Variants in MTA1 observed in about 807,000 individuals in gnomAD.
The protein encoded by MTA1 is metastasis associated 1, also known as metastasis-associated protein MTA1.
Under a neutral mutation model 97.0 loss-of-function variants are expected in MTA1, and 15 were observed. That is an observed-to-expected ratio of 0.15 (90% CI 0.10 to 0.24). MTA1 has a LOEUF of 0.24. Ranked by LOEUF, MTA1 falls within the 10% of genes least tolerant of loss-of-function variation. The pLI is 1.00. For synonymous variants in MTA1, 435 were observed against 417.5 expected (o/e 1.04, Z -0.51); for missense variants, 709 against 1,015.1 (o/e 0.70, Z 4.10).
At chr14:105,468,228 C>G (rs587735339) in intron 18 of MTA1, 283 of 1,148,838 alleles carry the variant, frequency 2.5e-4, no homozygotes, top group Non-Finnish European at 3.1e-4. Flanking sequence ...CGGCCATTTG[C>G]CCGTGCAGCC....
intron 7 of MTA1, among the ~76,000 whole-genome samples, chr14:105,455,325 G>T (rs1237008507): frequency 6.6e-6 from 1 of 152,216 alleles, no homozygotes; most frequent in South Asian, 2.1e-4. Context: ...GAGCTCCGAC[G>T]CAGTGCTCAC....
chr14:105,449,974 G>A, intron 4 of MTA1, 84 bp from the exon 5 acceptor site: 2 of 1,585,570 alleles, frequency 1.3e-6, no homozygotes, highest in Non-Finnish European at 1.7e-6. Flanking sequence ...CCTGCGTGCT[G>A]GCGCCAGGTG....
At position 105,464,640 on chromosome 14, in the gene MTA1, C is replaced by T. The variant is rs370183470; in HGVS notation, c.1345-34C>T. Reference sequence around the variant, plus strand: ...GCGGGTCCTCGGCCCCCGGTCATGGCGCTGTGTTGGGGCGGTTGCGCCCCC... The same window carrying T: ...GCGGGTCCTCGGCCCCCGGTCATGGTGCTGTGTTGGGGCGGTTGCGCCCCC... On this transcript the variant is annotated intron_variant, in intron 14 of 20. Transcript: ENST00000331320. 166 of 1,607,544 alleles carry T rather than the reference C, an allele frequency of 1.0e-4. No individual in the cohort carries two copies. In the African/African-American group the frequency reaches 1.8e-3, roughly 17 times the overall value.
chr14:105,421,952 G>A (rs1209979961), intron 1 of MTA1, among the ~76,000 whole-genome samples: 2 of 152,234 alleles, frequency 1.3e-5, no homozygotes, highest in African/African-American at 4.8e-5. Context: ...CTGTGGCGGA[G>A]GGGCCCCACC....
At chr14:105,466,130 T>G (rs2083571844) in intron 16 of MTA1, 4 of 483,676 alleles carry the variant, frequency 8.3e-6, no homozygotes, top group Non-Finnish European at 1.5e-5. Flanking sequence ...GGCCTGTGTA[T>G]GGATCCTGTT....
chr14:105,451,674 A>G (rs1385589909), intron 6 of MTA1, among the ~76,000 whole-genome samples: 2 of 152,096 alleles, frequency 1.3e-5, no homozygotes, highest in African/African-American at 4.8e-5. Flanking sequence ...GTGTCCGCCC[A>G]GAAACGGCCG....
In MTA1 at chr14:105,422,298, A is replaced by G. The variant is rs587662025; in HGVS notation, c.28+2235A>G. The stretch of plus-strand genomic sequence containing the variant: ...GTGGTCGCAGTGGGCTGGGCATTGC[A>G]GGTTGGCTTCCTGTCTTGGTGCTCG... On this transcript the variant is annotated intron_variant, in intron 1 of 20. Transcript: ENST00000331320. This position sits in a 1 kb window ranked among gnomAD's most constrained non-coding sequence, Gnocchi z 4.3. Among the ~76,000 whole-genome samples, 3 of 151,874 alleles carry G rather than the reference A, an allele frequency of 2.0e-5. No homozygotes were observed. The East Asian group carries it at 5.8e-4, about 30-fold the overall frequency.
At chr14:105,461,056 G>A in intron 10 of MTA1, 103 bp downstream of exon 10, 1 of 1,223,620 alleles carries the variant, frequency 8.2e-7, no homozygotes, top group South Asian at 1.5e-5. Flanking sequence ...GAGGGAGCCT[G>A]TCCTGCACCC....
chr14:105,470,070 T>G lies in MTA1; in HGVS notation c.2003T>G (p.Ile668Ser). The G allele has an allele frequency of 6.2e-7, 1 of 1,612,526 alleles. No homozygotes were observed. Among genetic ancestry groups the G allele is most frequent in the Non-Finnish European group, 8.5e-7 (1 of 1,179,850 alleles). ...ACCACCACCTCTGCCCACAGGAAGA[T>G]CCGCAAGCTGCTCTCATCCTCGGAA... ...FYMATEETRK[I>S]RKLLSSSETK... is the part of the protein sequence containing the mutation. The change falls in exon 21 of 21, where the codon ATC becomes AGC. Residue 668 changes from isoleucine to serine, a missense_variant. By Grantham distance (142) the Ile-to-Ser change is moderately radical. Transcript: ENST00000331320.
chr14:105,467,597 C>T (rs782725637), intron 18 of MTA1: 20 of 410,548 alleles, frequency 4.9e-5, no homozygotes, highest in Non-Finnish European at 6.0e-5. Context: ...GGACACGCAC[C>T]CCTGGCCTGT....
At chr14:105,451,742 G>A (rs2082937191) in intron 6 of MTA1, among the ~76,000 whole-genome samples, 1 of 150,298 alleles carries the variant, frequency 6.7e-6, no homozygotes, top group South Asian at 2.1e-4. Context: ...CCCTCCTGCT[G>A]CACGATGCAG....
chr14:105,432,364 C>T (rs2082201346), intron 1 of MTA1, among the ~76,000 whole-genome samples: 1 of 152,294 alleles, frequency 6.6e-6, no homozygotes, highest in Non-Finnish European at 1.5e-5. Context: ...CCTCAGCCTC[C>T]CAAGTAGCTG....
intron 7 of MTA1, among the ~76,000 whole-genome samples, chr14:105,456,499 T>TG (rs587594180): frequency 6.9e-4 from 105 of 152,326 alleles, no homozygotes; most frequent in African/African-American, 2.3e-3. Context: ...TGCCGTTCCT[T>TG]GGCTTTTGGG....
chr14:105,465,911 T>G (rs1373441316), intron 16 of MTA1: 10 of 167,740 alleles, frequency 6.0e-5, no homozygotes, highest in African/African-American at 2.2e-4. Context: ...GCTCTGAGAT[T>G]CAAGTGGCTT....
chr14:105,438,391 G>A (rs1042231877), intron 1 of MTA1, among the ~76,000 whole-genome samples: 5 of 152,184 alleles, frequency 3.3e-5, no homozygotes, highest in African/African-American at 9.7e-5. Flanking sequence ...GGCAGCTGGC[G>A]TCTGTGAGGA....
rs57114060 is a variant in MTA1, at chr14:105,454,240, G to A, written c.480G>A (p.Leu160=). 31 of 1,613,764 alleles carry A rather than the reference G, an allele frequency of 1.9e-5. No homozygotes were observed. In the East Asian group the frequency reaches 6.5e-4, roughly 34 times the overall value. Residue 160 remains leucine (L), a synonymous_variant, in exon 7 of 21, where the codon CTG becomes CTA. Coordinates refer to ENST00000331320, the MANE Select transcript of MTA1 (RefSeq NM_004689.4). ...TCTACGACCCACAGCAGAAGACCCT[G>A]CTGGCAGATAAAGGAGAGATTCGAG... The part of the protein sequence containing the change: ...SLVYDPQQKT[L]LADKGEIRVG...
At chr14:105,467,248 G>A in intron 18 of MTA1, 1 of 366,798 alleles carries the variant, frequency 2.7e-6, no homozygotes, top group Non-Finnish European at 5.4e-6. Flanking sequence ...CGGGACCCCA[G>A]GCCCCTTGGG....
chr14:105,467,797 A>G, intron 18 of MTA1: 1 of 275,358 alleles, frequency 3.6e-6, no homozygotes, highest in South Asian at 3.2e-5. Flanking sequence ...CGTCCCAGGA[A>G]CAGCCCCATA....
intron 10 of MTA1, among the ~76,000 whole-genome samples, chr14:105,461,521 G>A (rs2083346078): frequency 1.3e-5 from 2 of 152,206 alleles, no homozygotes; most frequent in Admixed American, 1.3e-4. Flanking sequence ...TGGGGGTGGT[G>A]GGGCCCCCAA....
Sources: allele counts gnomAD v4.1 joint callset (sites outside exome capture counted in the v4.1 genomes callset), GRCh38; gene constraint gnomAD v4.1.1; non-coding constraint Gnocchi (gnomAD v3.1); transcripts MANE v1.5; gene names NCBI Gene and HGNC (gene_info 2026-07-23, HGNC 2026-07-21).